The following CATSPERE variants were observed in gnomAD, a reference collection of about 807,000 sequenced individuals.
CATSPERE encodes catsper channel auxiliary subunit epsilon, also known as cation channel sperm-associated auxiliary subunit epsilon.
A neutral mutation model predicts 114.1 loss-of-function variants in CATSPERE; 93 were observed. The observed-to-expected ratio is 0.81, with a 90% confidence interval of 0.69 to 0.97. The LOEUF is 0.97. CATSPERE is among the 50% of genes least tolerant of loss of function. CATSPERE has a pLI of 0.00. For synonymous variants in CATSPERE, 341 were observed against 384.1 expected, an observed-to-expected ratio of 0.89 and a Z score of 1.31; for missense variants, 1,058 against 1,131.6, an observed-to-expected ratio of 0.93 and a Z score of 0.93.
chr1:244,561,217 CT>C, intron 10 of CATSPERE, 72 bp downstream of exon 10: 1 of 1,112,972 alleles, frequency 9.0e-7, no homozygotes. Flanking sequence ...TGATGTAACA[CT>C]TTTTAATGTA....
intron 17 of CATSPERE, among the ~76,000 whole-genome samples, chr1:244,594,056 C>T (rs1159246455): frequency 6.6e-6 from 1 of 152,218 alleles, no homozygotes; most frequent in Non-Finnish European, 1.5e-5. Context: ...TACGGTGGCT[C>T]ACACCTGTAA....
Position 244,470,886 on chromosome 1 carries a change from T to C in CATSPERE, c.115-6655T>C, listed in dbSNP as rs112906704. On this transcript the variant is annotated intron_variant, in intron 2 of 21. Coordinates refer to ENST00000366534, the MANE Select transcript of CATSPERE (RefSeq NM_001130957.2). ...ACAATATAGAAAAGCCTTGAAAACA[T>C]TATGCTAAGTGCAAGAAACCTTTCA... Among the ~76,000 whole-genome samples the C allele has an allele frequency of 1.7e-3, 264 of 152,334 alleles. 2 individuals carry two copies. Among genetic ancestry groups the C allele is most frequent in the African/African-American group, 5.9e-3 (245 of 41,576 alleles).
chr1:244,623,985 G>A (rs1040460211), intron 20 of CATSPERE, among the ~76,000 whole-genome samples: 3 of 151,820 alleles, frequency 2.0e-5, no homozygotes, highest in African/African-American at 2.4e-5. Flanking sequence ...TTTTTGAGAC[G>A]GAGTCTCACT....
intron 8 of CATSPERE, among the ~76,000 whole-genome samples, chr1:244,521,204 A>G (rs760171659): frequency 6.6e-6 from 1 of 152,126 alleles, no homozygotes; most frequent in Non-Finnish European, 1.5e-5. Flanking sequence ...AAAATTAAAA[A>G]TTAGCCAAGT....
chr1:244,509,267 GT>G (rs377241838), intron 7 of CATSPERE, among the ~76,000 whole-genome samples: 8,732 of 146,012 alleles, frequency 0.06, 838 homozygotes, highest in African/African-American at 0.2. Flanking sequence ...AATTTGTCGA[GT>G]TTTTTTTTTT....
rs542948406 is a variant in CATSPERE, at chr1:244,568,554, T to C, written c.1508-3776T>C. On this transcript the variant is annotated intron_variant, in intron 10 of 21. Transcript: ENST00000366534. This position sits in a 1 kb window ranked among gnomAD's most constrained non-coding sequence, Gnocchi z 4.4. ...AGATGCGCTGCCCAGAGAGGAGGAA[T>C]CTAGAGAGGCAGTCTGGCTATGGCA... 2.2e-4 allele frequency among the ~76,000 whole-genome samples: 33 copies of C among 152,302 alleles called. No individual in the cohort carries two copies. Among genetic ancestry groups the C allele is most frequent in the South Asian group, 1.4e-3 (7 of 4,830 alleles).
At chr1:244,451,583 G>A, upstream of CATSPERE, 1 of 1,545,466 alleles carries the variant, frequency 6.5e-7, no homozygotes, top group Non-Finnish European at 8.7e-7. The surrounding 1 kb of genome is among the most constrained non-coding windows in gnomAD (Gnocchi z 6.6). Context: ...CCAGGAGCCA[G>A]GCAGCCCGAG....
At chr1:244,543,466 G>A (rs1659198418) in intron 8 of CATSPERE, among the ~76,000 whole-genome samples, 1 of 151,714 alleles carries the variant, frequency 6.6e-6, no homozygotes, top group Admixed American at 6.6e-5. Context: ...TAGAATGATG[G>A]TTACCAGAGC....
chr1:244,621,194 T>TTTATATAAATATATCTATATA (rs1672229794), intron 20 of CATSPERE, among the ~76,000 whole-genome samples: 7 of 13,010 alleles, frequency 5.4e-4, no homozygotes, highest in African/African-American at 1.3e-3. Flanking sequence ...TATAGATATA[T>TTTATATAAATATATCTATATA]TTATATAGAT....
chr1:244,503,582 A>G (rs1366838386), intron 7 of CATSPERE, among the ~76,000 whole-genome samples: 1 of 152,070 alleles, frequency 6.6e-6, no homozygotes, highest in Non-Finnish European at 1.5e-5. Context: ...TTGCTAAAAT[A>G]ATTTCTTTTT....
intron 8 of CATSPERE, among the ~76,000 whole-genome samples, chr1:244,544,374 T>C (rs1572672355): frequency 6.6e-6 from 1 of 152,236 alleles, no homozygotes; most frequent in Non-Finnish European, 1.5e-5. Flanking sequence ...AATGCGGGCT[T>C]ATGGAGGTTA....
chr1:244,600,577 A>C lies in CATSPERE; in HGVS notation c.2304-5118A>C, dbSNP rs532692854. On this transcript the variant is annotated intron_variant, in intron 17 of 21. Transcript: ENST00000366534. Reference sequence around the variant, plus strand: ...CACAGAAAGTGCCATATGAAAAATGAAGCTAAAAACTATCAACTAGCCTTG... The same window carrying C: ...CACAGAAAGTGCCATATGAAAAATGCAGCTAAAAACTATCAACTAGCCTTG... 2.6e-5 allele frequency among the ~76,000 whole-genome samples: 4 copies of C among 152,330 alleles called. No homozygotes were observed. The South Asian group carries it at 8.3e-4, about 32-fold the overall frequency.
chr1:244,466,233 T>C (rs1180477259), intron 2 of CATSPERE, among the ~76,000 whole-genome samples: 1 of 152,256 alleles, frequency 6.6e-6, no homozygotes, highest in East Asian at 1.9e-4. Flanking sequence ...GTTAATATTT[T>C]ATATAAGATT....
At chr1:244,552,233 A>C in intron 8 of CATSPERE, 89 bp from the exon 9 acceptor site, 3 of 1,466,260 alleles carry the variant, frequency 2.0e-6, no homozygotes, top group Non-Finnish European at 2.7e-6. Context: ...ATAAAAATTA[A>C]AAATGTTTTA....
intron 3 of CATSPERE, 43 bp downstream of exon 3, chr1:244,477,657 T>G: frequency 8.0e-7 from 1 of 1,250,384 alleles, no homozygotes; most frequent in Non-Finnish European, 1.2e-6. Context: ...GTATATTTTT[T>G]AATTCATTCA....
At chr1:244,452,047 G>A (rs902716712), upstream of CATSPERE, 8 of 377,226 alleles carry the variant, frequency 2.1e-5, no homozygotes, top group African/African-American at 1.3e-4. Context: ...CGGCAGCACC[G>A]CCCGCAGGAA....
intron 7 of CATSPERE, among the ~76,000 whole-genome samples, chr1:244,502,457 G>C (rs1674199945): frequency 6.6e-6 from 1 of 152,074 alleles, no homozygotes; most frequent in South Asian, 2.1e-4. Flanking sequence ...ATCTAATAGA[G>C]ACACAATATA....
chr1:244,637,516 G>A (rs762498731), intron 21 of CATSPERE, among the ~76,000 whole-genome samples: 6 of 151,488 alleles, frequency 4.0e-5, no homozygotes, highest in Admixed American at 6.6e-5. Context: ...CTCTGATCAC[G>A]ACCTCCTGTC....
At chr1:244,516,168 G>C (rs1252950611) in intron 7 of CATSPERE, among the ~76,000 whole-genome samples, 1 of 151,362 alleles carries the variant, frequency 6.6e-6, no homozygotes, top group African/African-American at 2.4e-5. Flanking sequence ...TCCAGCCTGG[G>C]TGACACAGTA....
Sources: gnomAD v4.1 joint callset for allele counts (sites outside exome capture counted in the v4.1 genomes callset) on GRCh38, gnomAD v4.1.1 for gene constraint, Gnocchi (gnomAD v3.1) non-coding constraint, MANE v1.5 for transcripts, NCBI Gene and HGNC (gene_info 2026-07-23, HGNC 2026-07-21) for gene names.